The following DNAH5 variants were observed in gnomAD, a reference collection of about 807,000 sequenced individuals.
The protein encoded by DNAH5 is axonemal beta dynein heavy chain 5.
DNAH5 carries 372 observed loss-of-function variants against 518.2 expected under a neutral mutation model. That is an observed-to-expected ratio of 0.72 (90% CI 0.66 to 0.78). The LOEUF (loss-of-function observed/expected upper bound fraction) is 0.78. Among genes scored for constraint, DNAH5 ranks in the 30% least tolerant of loss-of-function variants. The probability of loss-of-function intolerance (pLI) is 0.00; values close to 1 mark genes in which losing one functional copy is unlikely to be tolerated. For missense variants in DNAH5, 5,523 were observed against 5,687.0 expected, an observed-to-expected ratio of 0.97 and a Z score of 0.93; for synonymous variants, 2,039 against 2,025.9, an observed-to-expected ratio of 1.01 and a Z score of -0.17.
chr5:13,920,873 T>C (rs1287449304), intron 5 of DNAH5, among the ~76,000 whole-genome samples: 1 of 152,142 alleles, frequency 6.6e-6, no homozygotes, highest in Non-Finnish European at 1.5e-5. Context: ...TCAGAAAGAA[T>C]GCCTCCTCCC....
In DNAH5 at chr5:13,873,457, T is replaced by C. The variant is rs946054165; in HGVS notation, c.3397-1692A>G. ...CATCCCTATTATTTAATATTAAATA[T>C]GCAACTTCTCAAAACAGGACGATTT... On this transcript the variant is annotated intron_variant, in intron 22 of 78. Coordinates refer to ENST00000265104, the MANE Select transcript of DNAH5 (RefSeq NM_001369.3). 3.3e-5 allele frequency among the ~76,000 whole-genome samples: 5 copies of C among 152,132 alleles called. No homozygotes were observed. The East Asian group carries it at 9.6e-4, about 29-fold the overall frequency.
chr5:13,738,971 A>G (rs1747998389), intron 65 of DNAH5, among the ~76,000 whole-genome samples: 1 of 152,196 alleles, frequency 6.6e-6, no homozygotes, highest in African/African-American at 2.4e-5. Flanking sequence ...TGTACAATTC[A>G]TTATAAGTAA....
At position 13,900,625 on chromosome 5, in the gene DNAH5, A is replaced by G. The variant is rs10072677; in HGVS notation, c.2053-213T>C. ...GTGTTGATGTTGGGCAGTCAATTCAATAAAACCTTTCAATGACTCTAACAC... is the reference window on the plus strand; with the variant it reads ...GTGTTGATGTTGGGCAGTCAATTCAGTAAAACCTTTCAATGACTCTAACAC... On this transcript the variant is annotated intron_variant, in intron 14 of 78. Transcript: ENST00000265104. 5.3e-3 allele frequency: 3,137 copies of G among 593,456 alleles called. 83 individuals carry two copies. The highest frequency in any genetic ancestry group is 0.052 in the African/African-American group (2,820 of 53,882). 36.8% of individuals were successfully genotyped at this position (593,456 alleles called of 1,614,324 possible).
At chr5:13,736,391 A>AATT (rs143406311) in intron 66 of DNAH5, among the ~76,000 whole-genome samples, 2,078 of 151,930 alleles carry the variant, frequency 0.014, 49 homozygotes, top group African/African-American at 0.048. Flanking sequence ...ACGACACTTT[A>AATT]ATTATTATTA....
intron 61 of DNAH5, among the ~76,000 whole-genome samples, chr5:13,756,660 A>C (rs2126717131): frequency 6.6e-6 from 1 of 152,344 alleles, no homozygotes; most frequent in Non-Finnish European, 1.5e-5. Context: ...GAATTTTATG[A>C]GGCATAAGTA....
chr5:13,784,753 A>G (rs548480297), intron 52 of DNAH5, among the ~76,000 whole-genome samples: 1 of 152,368 alleles, frequency 6.6e-6, no homozygotes, highest in South Asian at 2.1e-4. Context: ...CCGGAAAAGT[A>G]GTTGATATCA....
chr5:13,847,858 CCAGTAGA>C (rs1327891228), intron 31 of DNAH5, among the ~76,000 whole-genome samples: 27 of 151,954 alleles, frequency 1.8e-4, no homozygotes, highest in African/African-American at 6.5e-4. Flanking sequence ...TGTAGGTAGT[CCAGTAGA>C]CAGTTCCTCG....
At chr5:13,954,919 C>T (rs151209441) in intron 1 of DNAH5, among the ~76,000 whole-genome samples, 6 of 152,312 alleles carry the variant, frequency 3.9e-5, no homozygotes, top group Middle Eastern at 3.4e-3. Context: ...AGTTCTCACA[C>T]GTTCACTCTC....
chr5:13,761,940 G>A (rs1207089197), intron 60 of DNAH5, among the ~76,000 whole-genome samples: 2 of 152,274 alleles, frequency 1.3e-5, no homozygotes. Flanking sequence ...TTATTTGTAT[G>A]ATGATTGTTA....
chr5:13,769,079 G>A lies in DNAH5; in HGVS notation c.9778C>T (p.Gln3260Ter), dbSNP rs1752923333. The change falls in exon 58 of 79, where the codon CAG (glutamine) becomes TAG (stop). Residue 3260 changes from glutamine (Q) to a stop codon, truncating the protein, a stop_gained. Coordinates refer to ENST00000265104, the MANE Select transcript of DNAH5 (RefSeq NM_001369.3). LOFTEE classifies it high-confidence loss of function. The stretch of plus-strand genomic sequence containing the variant: ...GCCTGGGCCCTGTCCTTCACCTTCT[G>A]TACCTCAGCCTTGACCTTTTCAGCA... The part of the protein sequence containing the change: ...QAAEKVKAEV[Q>*]KVKDRAQAIV... 5.6e-6 allele frequency: 9 copies of A among 1,614,154 alleles called. No individual in the cohort carries two copies. The highest frequency in any genetic ancestry group is 7.6e-6 in the Non-Finnish European group (9 of 1,180,016).
chr5:13,967,482 C>T (rs1012499375), intron 1 of DNAH5, among the ~76,000 whole-genome samples: 3 of 152,188 alleles, frequency 2.0e-5, no homozygotes, highest in South Asian at 4.1e-4. Context: ...GATCAGCTGG[C>T]TGTAAGTATT....
chr5:13,845,061 C>A lies in DNAH5; in HGVS notation c.5115-68G>T, dbSNP rs184097902. ...GCTGGTCGTTCAAGGAATAAATTAACCTGGATGGGAAAAGGGGAGAAGATT... is the reference window on the plus strand; with the variant it reads ...GCTGGTCGTTCAAGGAATAAATTAAACTGGATGGGAAAAGGGGAGAAGATT... On this transcript the variant is annotated intron_variant, in intron 31 of 78. Coordinates refer to ENST00000265104, the MANE Select transcript of DNAH5 (RefSeq NM_001369.3). The A allele has an allele frequency of 8.3e-4, 1,222 of 1,467,710 alleles. 10 individuals carry two copies. In the African/African-American group the frequency reaches 0.016, roughly 19 times the overall value. The allele number at this position is 1,467,710 out of a possible 1,614,324, so 90.9% of individuals were successfully genotyped here. A position where few individuals can be genotyped will look rare whatever the true frequency, so the allele number is the denominator to read the frequency against.
intron 44 of DNAH5, 95 bp downstream of exon 44, chr5:13,811,549 TAGC>T: frequency 8.3e-7 from 1 of 1,203,674 alleles, no homozygotes; most frequent in South Asian, 1.3e-5. Flanking sequence ...ACTCTCTGTA[TAGC>T]ATGGCTACAT....
chr5:13,804,260 T>C (rs1360568179), intron 47 of DNAH5, among the ~76,000 whole-genome samples: 3 of 152,296 alleles, frequency 2.0e-5, no homozygotes, highest in Non-Finnish European at 4.4e-5. Flanking sequence ...GTAACCTGGA[T>C]TGTCCGAGGC....
At chr5:13,803,611 C>T (rs569328830) in intron 47 of DNAH5, among the ~76,000 whole-genome samples, 1 of 152,142 alleles carries the variant, frequency 6.6e-6, no homozygotes, top group Non-Finnish European at 1.5e-5. Context: ...CAGTCTTAAC[C>T]GTAAAACCTG....
At position 13,830,612 on chromosome 5, in the gene DNAH5, C is replaced by G. The variant is rs530904020; in HGVS notation, c.6046G>C (p.Gly2016Arg). The stretch of plus-strand genomic sequence containing the variant: ...TAACCCATACCCTTAAAAATCCGTC[C>G]AAGTCCTCGGAAATCCATCTGGTCT... ...CSDQMDFRGL[G>R]RIFKGLAQSG... The change falls in exon 36 of 79, where the codon GGA (glycine) becomes CGA (arginine). Residue 2016 changes from glycine (G) to arginine (R), a missense_variant. Transcript: ENST00000265104. The G allele has an allele frequency of 6.2e-6, 10 of 1,614,182 alleles. No individual in the cohort carries two copies. The highest frequency in any genetic ancestry group is 8.5e-6 in the Non-Finnish European group (10 of 1,180,036).
chr5:13,871,638 T>TA lies in DNAH5; in HGVS notation c.3523dup (p.Tyr1175LeufsTer10). On this transcript the variant is annotated frameshift_variant, in exon 23 of 79. Coordinates refer to ENST00000265104, the MANE Select transcript of DNAH5 (RefSeq NM_001369.3). LOFTEE classifies it high-confidence loss of function. ...AATTTCCTGCTCTAGGTTTTGGAAA[T>TA]AGAGAATCTGGGACTCAAATTCAGA... 3 of 1,613,844 alleles carry TA rather than the reference T, an allele frequency of 1.9e-6. No individual in the cohort carries two copies. The highest frequency in any genetic ancestry group is 2.5e-6 in the Non-Finnish European group (3 of 1,179,816).
At chr5:13,779,360 C>T (rs1242860961) in intron 53 of DNAH5, among the ~76,000 whole-genome samples, 1 of 152,170 alleles carries the variant, frequency 6.6e-6, no homozygotes, top group East Asian at 1.9e-4. Context: ...AGACAAAACA[C>T]AAAGTGTAAC....
rs1157548763 is a variant in DNAH5, at chr5:13,798,740, TTTTATTTA to T, written c.7888-4690_7888-4683del. 6.6e-3 allele frequency among the ~76,000 whole-genome samples: 575 copies of T among 87,268 alleles called. 1 individual carries two copies. Among genetic ancestry groups the T allele is most frequent in the East Asian group, 0.017 (50 of 2,868 alleles). The allele number at this position is 87,268 out of a possible 152,430, so 57.3% of individuals were successfully genotyped here. ...TACATTTTCATCATGATTTTATTTA[TTTTATTTA>T]TTTATTTATTTATTTATTTATTTAT... is the stretch of plus-strand genomic sequence containing the variant. On this transcript the variant is annotated intron_variant, in intron 47 of 78. Coordinates refer to ENST00000265104, the MANE Select transcript of DNAH5 (RefSeq NM_001369.3).
Sources: allele counts gnomAD v4.1 joint callset (sites outside exome capture counted in the v4.1 genomes callset), GRCh38; gene constraint gnomAD v4.1.1; transcripts MANE v1.5; gene names NCBI Gene and HGNC (gene_info 2026-07-23, HGNC 2026-07-21).